PTPRD: variants seen among roughly 807,000 people sequenced by gnomAD.
The protein encoded by PTPRD is receptor-type tyrosine-protein phosphatase delta.
PTPRD carries 34 observed loss-of-function variants against 214.5 expected under a neutral mutation model. The ratio of observed to expected loss-of-function variants is 0.16; its 90% CI spans 0.12 to 0.21. PTPRD has a LOEUF of 0.21. Ranked by LOEUF, PTPRD falls within the 10% of genes least tolerant of loss-of-function variation. The probability of loss-of-function intolerance (pLI) is 1.00; values close to 1 mark genes in which losing one functional copy is unlikely to be tolerated. For synonymous variants in PTPRD, 1,128 were observed against 845.7 expected (o/e 1.33, Z -5.79); for missense variants, 2,545 against 2,398.7 (o/e 1.06, Z -1.27).
At chr9:9,960,617 C>T (rs1379596636) in intron 4 of PTPRD, among the ~76,000 whole-genome samples, 2 of 151,928 alleles carry the variant, frequency 1.3e-5, no homozygotes, top group African/African-American at 4.8e-5. Context: ...GTATTTCCTC[C>T]CAACAACCAA....
At chr9:10,072,722 A>G (rs921936232) in intron 3 of PTPRD, among the ~76,000 whole-genome samples, 2 of 152,176 alleles carry the variant, frequency 1.3e-5, no homozygotes, top group South Asian at 2.1e-4. Flanking sequence ...TGCTAGCTAC[A>G]TAGCGCTGAT....
intron 4 of PTPRD, among the ~76,000 whole-genome samples, chr9:10,013,051 C>T (rs779890881): frequency 4.0e-5 from 6 of 151,868 alleles, no homozygotes; most frequent in South Asian, 2.1e-4. Flanking sequence ...GCACAGGAAA[C>T]GAGAAGTGGC....
intron 2 of PTPRD, among the ~76,000 whole-genome samples, chr9:10,448,813 T>A (rs1440652190): frequency 6.6e-6 from 1 of 151,986 alleles, no homozygotes. Flanking sequence ...GCATTTTGCA[T>A]GCCCAAGAGA....
rs894274817 is a variant in PTPRD at position 10,530,109 on chromosome 9, C to T, written c.-600+82289G>A. On this transcript the variant is annotated intron_variant, in intron 2 of 45. Transcript: ENST00000381196. ...AAAAAATATTGCAGTGATTGACACCCGTACTTAAGAATATTTAGAAAACTG... is the reference window on the plus strand; with the variant it reads ...AAAAAATATTGCAGTGATTGACACCTGTACTTAAGAATATTTAGAAAACTG... Among the ~76,000 whole-genome samples the T allele has an allele frequency of 3.3e-5, 5 of 152,126 alleles. No individual in the cohort carries two copies. The South Asian group carries it at 6.2e-4, about 19-fold the overall frequency.
At chr9:8,508,223 A>G (rs2097580563) in intron 21 of PTPRD, among the ~76,000 whole-genome samples, 1 of 152,242 alleles carries the variant, frequency 6.6e-6, no homozygotes, top group South Asian at 2.1e-4. Context: ...TCTATTCAAC[A>G]GACAATTTGG....
At chr9:10,532,791 C>T (rs1254893748) in intron 2 of PTPRD, among the ~76,000 whole-genome samples, 2 of 151,778 alleles carry the variant, frequency 1.3e-5, no homozygotes, top group African/African-American at 4.8e-5. Flanking sequence ...GAATAAAATT[C>T]AATGCTTCCA....
chr9:9,896,507 T>G (rs560439233), intron 5 of PTPRD, among the ~76,000 whole-genome samples: 19 of 152,136 alleles, frequency 1.2e-4, no homozygotes, highest in African/African-American at 4.6e-4. Flanking sequence ...TCTAGTGCAT[T>G]TGGATAGCTA....
chr9:9,965,235 G>T (rs1232619979), intron 4 of PTPRD, among the ~76,000 whole-genome samples: 1 of 152,132 alleles, frequency 6.6e-6, no homozygotes, highest in Non-Finnish European at 1.5e-5. Flanking sequence ...TGGAACCTCA[G>T]GTTGGGGTGG....
At chr9:9,696,678 T>C (rs1028826395) in intron 7 of PTPRD, among the ~76,000 whole-genome samples, 4 of 152,174 alleles carry the variant, frequency 2.6e-5, no homozygotes, top group South Asian at 2.1e-4. Flanking sequence ...CTTCAACTTA[T>C]AGTCTATGTG....
At chr9:8,728,038 G>A (rs1406549323) in intron 12 of PTPRD, among the ~76,000 whole-genome samples, 3 of 151,964 alleles carry the variant, frequency 2.0e-5, no homozygotes, top group Admixed American at 6.6e-5. Context: ...ACCTGAGGTC[G>A]GGAGTTCGAG....
At chr9:9,781,039 C>A (rs9695314) in intron 5 of PTPRD, among the ~76,000 whole-genome samples, 3 of 151,904 alleles carry the variant, frequency 2.0e-5, no homozygotes, top group African/African-American at 4.8e-5. Context: ...GGGTGGAGAC[C>A]GAGGAACAAA....
chr9:8,612,672 T>C (rs16928206), intron 14 of PTPRD, among the ~76,000 whole-genome samples: 14,768 of 152,218 alleles, frequency 0.097, 836 homozygotes, highest in South Asian at 0.18. Flanking sequence ...GAAATAAGAA[T>C]GCAGTGTTTT....
At chr9:8,452,017 GA>G (rs1306351408) in intron 33 of PTPRD, 3 of 301,326 alleles carry the variant, frequency 1.0e-5, no homozygotes, top group African/African-American at 6.7e-5. Flanking sequence ...CTGGTGCAAG[GA>G]AAGTTAGGAA....
Position 8,929,780 on chromosome 9 carries a change from G to GTGTGTATATATGT in PTPRD, c.-104+88916_-104+88917insACATATATACACA, listed in dbSNP as rs1272978143. 3.0e-4 allele frequency among the ~76,000 whole-genome samples: 25 copies of GTGTGTATATATGT among 82,446 alleles called. 7 individuals are homozygous for GTGTGTATATATGT. The highest frequency in any genetic ancestry group is 1.4e-3 in the African/African-American group (25 of 17,292). The allele number at this position is 82,446 out of a possible 152,430, so 54.1% of individuals were successfully genotyped here. A position where few individuals can be genotyped will look rare whatever the true frequency, so the allele number is the denominator to read the frequency against. On this transcript the variant is annotated intron_variant, in intron 11 of 45. Transcript: ENST00000381196. The stretch of plus-strand genomic sequence containing the variant: ...ATGTATATATATGTGTATATATATG[G>GTGTGTATATATGT]GTGTGTATATATGTGTGTGTATATA...
At chr9:9,649,040 A>T in intron 7 of PTPRD, among the ~76,000 whole-genome samples, 1 of 152,150 alleles carries the variant, frequency 6.6e-6, no homozygotes, top group East Asian at 1.9e-4. Context: ...CAGTTTCCCA[A>T]GTCTCAAGGA....
intron 10 of PTPRD, among the ~76,000 whole-genome samples, chr9:9,037,699 G>C (rs1386417105): frequency 1.3e-5 from 2 of 152,142 alleles, no homozygotes; most frequent in Non-Finnish European, 2.9e-5. Context: ...GGTACAGAAA[G>C]GTGTCCAGCA....
At chr9:9,944,612 G>A (rs954909591) in intron 4 of PTPRD, among the ~76,000 whole-genome samples, 3 of 152,034 alleles carry the variant, frequency 2.0e-5, no homozygotes, top group African/African-American at 7.2e-5. Context: ...ATAACTGGGT[G>A]AAGAGTATTC....
chr9:9,532,125 A>T (rs1449138770), intron 8 of PTPRD, among the ~76,000 whole-genome samples: 1 of 152,102 alleles, frequency 6.6e-6, no homozygotes. Flanking sequence ...TAAAATCTAA[A>T]TGAATATAAA....
chr9:9,022,588 G>T (rs1589964957), intron 10 of PTPRD, among the ~76,000 whole-genome samples: 1 of 152,118 alleles, frequency 6.6e-6, no homozygotes, highest in South Asian at 2.1e-4. Flanking sequence ...CTAGGTTTCT[G>T]TAAGTATGTT....
Sources: gnomAD v4.1 joint callset for allele counts (sites outside exome capture counted in the v4.1 genomes callset) on GRCh38, gnomAD v4.1.1 for gene constraint, MANE v1.5 for transcripts, NCBI Gene and HGNC (gene_info 2026-07-23, HGNC 2026-07-21) for gene names.